Variants in BPI observed in about 807,000 individuals in gnomAD.
BPI encodes bactericidal permeability increasing protein.
BPI carries 48 observed loss-of-function variants against 57.6 expected under a neutral mutation model. That is an observed-to-expected ratio of 0.83 (90% CI 0.66 to 1.06). The LOEUF (loss-of-function observed/expected upper bound fraction) is 1.06. Ranked by LOEUF, BPI falls within the 50% of genes least tolerant of loss-of-function variation. The pLI, the probability that BPI is intolerant of heterozygous loss-of-function variation, is 0.00. For missense variants in BPI, 651 were observed against 609.7 expected, an observed-to-expected ratio of 1.07 and a Z score of -0.71; for synonymous variants, 237 against 238.2, an observed-to-expected ratio of 0.99 and a Z score of 0.05.
At chr20:38,305,832 T>C (rs1045691799) in intron 1 of BPI, among the ~76,000 whole-genome samples, 6 of 152,240 alleles carry the variant, frequency 3.9e-5, no homozygotes, top group Admixed American at 3.3e-4. Context: ...TGGCACAGAG[T>C]AAAGCTCGAT....
Position 38,331,144 on chromosome 20 carries a change from G to A in BPI, c.1272+54G>A, listed in dbSNP as rs5743536. On this transcript the variant is annotated intron_variant, in intron 12 of 14. Transcript: ENST00000642449. ...CCTCCTTCTGACCTGGCGGCGGGGA[G>A]GGGGACATGTCATAGGCTCAAGGCA... 5,861 of 1,572,442 alleles carry A rather than the reference G, an allele frequency of 3.7e-3. 167 individuals carry two copies. In the African/African-American group the frequency reaches 0.07, roughly 19 times the overall value.
intron 1 of BPI, among the ~76,000 whole-genome samples, chr20:38,306,456 A>G (rs982035815): frequency 6.6e-6 from 1 of 152,240 alleles, no homozygotes; most frequent in Non-Finnish European, 1.5e-5. Context: ...GGGGAGAGAC[A>G]TTCGTCAGAG....
rs1368813615 is a variant in BPI at position 38,307,567 on chromosome 20, C to T, written c.131C>T (p.Ala44Val). 11 of 1,598,838 alleles carry T rather than the reference C, an allele frequency of 6.9e-6. No individual in the cohort carries two copies. Among genetic ancestry groups the T allele is most frequent in the Non-Finnish European group, 9.4e-6 (11 of 1,173,568 alleles). The change falls in exon 2 of 15, where the codon GCC becomes GTC. Residue 44 changes from alanine (A) to valine (V), a missense_variant and splice_region_variant. Coordinates refer to ENST00000642449, the MANE Select transcript of BPI (RefSeq NM_001725.3). Reference sequence around the variant, plus strand: ...TGTCACCCCTGCCTTCTCCCTTCAGCCAGCCAGCAGGGGACGGCCGCTCTG... The same window carrying T: ...TGTCACCCCTGCCTTCTCCCTTCAGTCAGCCAGCAGGGGACGGCCGCTCTG... ...VRISQKGLDY[A>V]SQQGTAALQK...
intron 5 of BPI, chr20:38,317,886 G>A (rs1338967995): frequency 6.9e-7 from 1 of 1,454,926 alleles, no homozygotes; most frequent in Non-Finnish European, 9.0e-7. Context: ...TAGGGGACAG[G>A]GGGATTGGGG....
At chr20:38,318,284 G>A (rs1388167825) in intron 5 of BPI, 129 bp from the exon 6 acceptor site, 2 of 1,203,386 alleles carry the variant, frequency 1.7e-6, no homozygotes, top group Non-Finnish European at 2.4e-6. Flanking sequence ...AAAGAAAAGG[G>A]AAACTTGATT....
chr20:38,335,723 A>T (rs1306335215), intron 14 of BPI, 49 bp downstream of exon 14: 1 of 1,561,402 alleles, frequency 6.4e-7, no homozygotes, highest in Non-Finnish European at 8.8e-7. Flanking sequence ...ATAGTGACCA[A>T]CAGCAGCCTA....
At chr20:38,317,626 T>C (rs1458589052) in intron 5 of BPI, 8 of 721,004 alleles carry the variant, frequency 1.1e-5, no homozygotes, top group East Asian at 5.4e-5. Context: ...TTGTGTTCTG[T>C]TGCTTAGAAG....
intron 3 of BPI, among the ~76,000 whole-genome samples, chr20:38,309,647 A>G (rs1467712938): frequency 6.6e-6 from 1 of 152,216 alleles, no homozygotes. Flanking sequence ...GGGCAAGCAA[A>G]GGCACCTTCC....
At chr20:38,312,973 CAA>C (rs1468666787) in intron 5 of BPI, among the ~76,000 whole-genome samples, 1 of 152,184 alleles carries the variant, frequency 6.6e-6, no homozygotes. Context: ...ATTCCCCAGC[CAA>C]AGTCTCAGGG....
chr20:38,326,142 A>G, intron 9 of BPI, 123 bp from the exon 10 acceptor site: 1 of 1,067,242 alleles, frequency 9.4e-7, no homozygotes, highest in Non-Finnish European at 1.3e-6. Flanking sequence ...CAATCTTAGG[A>G]TTTATTCTAA....
At chr20:38,310,413 C>A in intron 3 of BPI, 78 bp from the exon 4 acceptor site, 1 of 1,534,672 alleles carries the variant, frequency 6.5e-7, no homozygotes. Context: ...ACAAAACCCG[C>A]CTTCCAGCAC....
chr20:38,324,283 T>G (rs2076701323), intron 8 of BPI, among the ~76,000 whole-genome samples: 1 of 152,200 alleles, frequency 6.6e-6, no homozygotes, highest in African/African-American at 2.4e-5. Context: ...ATAACTGGCT[T>G]TCTCCAAAGG....
At chr20:38,331,220 T>C (rs767648882) in intron 12 of BPI, 130 bp downstream of exon 12, 29 of 1,161,514 alleles carry the variant, frequency 2.5e-5, no homozygotes, top group Non-Finnish European at 3.6e-5. Flanking sequence ...TGTGAATTAA[T>C]AGTTCAAGGA....
intron 2 of BPI, 149 bp downstream of exon 2, chr20:38,307,830 C>G: frequency 3.0e-6 from 2 of 672,602 alleles, no homozygotes; most frequent in South Asian, 4.1e-5. Flanking sequence ...GGGAGGCAAC[C>G]TCCCAGCTGA....
chr20:38,310,299 G>C (rs541809452), intron 3 of BPI, among the ~76,000 whole-genome samples, 192 bp from the exon 4 acceptor site: 25 of 152,272 alleles, frequency 1.6e-4, no homozygotes, highest in African/African-American at 6.0e-4. Flanking sequence ...CATGAGTTCC[G>C]AATTCAGGTT....
chr20:38,324,590 CAGA>C (rs2076702673), intron 8 of BPI, among the ~76,000 whole-genome samples, 181 bp from the exon 9 acceptor site: 1 of 152,136 alleles, frequency 6.6e-6, no homozygotes, highest in Non-Finnish European at 1.5e-5. Flanking sequence ...CCAACTGCTG[CAGA>C]AGGTGTGGTT....
chr20:38,313,807 GATGGTGATGGTGAGGATGATA>G (rs1395132832), intron 5 of BPI, among the ~76,000 whole-genome samples: 1 of 148,918 alleles, frequency 6.7e-6, no homozygotes, highest in African/African-American at 2.5e-5. Context: ...GGATGATGAT[GATGGTGATGGTGAGGATGATA>G]ATGGTGATGG....
Position 38,337,207 on chromosome 20 carries a change from T to C in BPI, c.*23T>C. On this transcript the variant is annotated 3_prime_UTR_variant, in exon 15 of 15. Transcript: ENST00000642449. ...TGAAGGCACCAGGGGTGCCGGGGGCTGTCAGCCACACCTGTTCCTGATGGG... is the reference window on the plus strand; with the variant it reads ...TGAAGGCACCAGGGGTGCCGGGGGCCGTCAGCCACACCTGTTCCTGATGGG... The C allele has an allele frequency of 6.3e-7, 1 of 1,579,418 alleles. No homozygotes were observed. The highest frequency in any genetic ancestry group is 1.4e-5 in the African/African-American group (1 of 72,640).
At chr20:38,330,317 G>T (rs8115817) in intron 11 of BPI, among the ~76,000 whole-genome samples, 7,834 of 152,254 alleles carry the variant, frequency 0.051, 712 homozygotes, top group East Asian at 0.42. Context: ...TTTGATCTCT[G>T]AGTATGTTTC....
Sources: gnomAD v4.1 joint callset for allele counts (sites outside exome capture counted in the v4.1 genomes callset) on GRCh38, gnomAD v4.1.1 for gene constraint, MANE v1.5 for transcripts, NCBI Gene and HGNC (gene_info 2026-07-23, HGNC 2026-07-21) for gene names.